Variants in ADCY2 observed in about 807,000 individuals in gnomAD.
The protein encoded by ADCY2 is adenylate cyclase 2, also known as adenylate cyclase type 2.
A neutral mutation model predicts 125.2 loss-of-function variants in ADCY2; 31 were observed. The observed-to-expected ratio is 0.25, with a 90% confidence interval of 0.19 to 0.33. The LOEUF is 0.33. Ranked by LOEUF, ADCY2 falls within the 10% of genes least tolerant of loss-of-function variation. The probability of loss-of-function intolerance (pLI) is 1.00; values close to 1 mark genes in which losing one functional copy is unlikely to be tolerated. For synonymous variants in ADCY2, 512 were observed against 548.4 expected, an observed-to-expected ratio of 0.93 and a Z score of 0.93; for missense variants, 904 against 1,418.2, an observed-to-expected ratio of 0.64 and a Z score of 5.82.
intron 3 of ADCY2, among the ~76,000 whole-genome samples, chr5:7,622,063 A>C (rs1334294047): frequency 6.6e-6 from 1 of 152,248 alleles, no homozygotes; most frequent in Non-Finnish European, 1.5e-5. Flanking sequence ...TAAATGAAGC[A>C]AGAAGATAAA....
At chr5:7,431,476 C>G (rs183148252) in intron 2 of ADCY2, among the ~76,000 whole-genome samples, 143 of 151,842 alleles carry the variant, frequency 9.4e-4, no homozygotes, top group African/African-American at 3.1e-3. Context: ...TGTTAGTACC[C>G]TTGTGTTAGA....
chr5:7,421,699 TGC>T (rs1740211393), intron 2 of ADCY2, among the ~76,000 whole-genome samples: 3 of 152,118 alleles, frequency 2.0e-5, no homozygotes, highest in Non-Finnish European at 2.9e-5. Context: ...TCTTGTGGAG[TGC>T]TGCTCTGAGG....
chr5:7,818,659 A>G (rs1163789643), intron 23 of ADCY2, among the ~76,000 whole-genome samples: 2 of 152,060 alleles, frequency 1.3e-5, no homozygotes, highest in African/African-American at 4.8e-5. Flanking sequence ...AGTCTCCCAA[A>G]ATGCCATATT....
chr5:7,546,300 A>G (rs888851761), intron 3 of ADCY2, among the ~76,000 whole-genome samples: 1 of 152,190 alleles, frequency 6.6e-6, no homozygotes, highest in African/African-American at 2.4e-5. Flanking sequence ...AAATACATCG[A>G]TGATAATAGA....
In ADCY2 at chr5:7,626,152, T is replaced by A. The variant is rs777989203; in HGVS notation, c.571-15T>A. 6.2e-6 allele frequency: 10 copies of A among 1,608,040 alleles called. No homozygotes were observed. The Admixed American group carries it at 1.7e-4, about 28-fold the overall frequency. On this transcript the variant is annotated splice_polypyrimidine_tract_variant and intron_variant, in intron 3 of 24. Coordinates refer to ENST00000338316, the MANE Select transcript of ADCY2 (RefSeq NM_020546.3). ...AAACAGTTACCCTATTGAGCAGCTCTTTCTGTCTCTTTAGATCCTGGCCAA... is the reference window on the plus strand; with the variant it reads ...AAACAGTTACCCTATTGAGCAGCTCATTCTGTCTCTTTAGATCCTGGCCAA...
chr5:7,765,163 G>T (rs1743340585), intron 16 of ADCY2, among the ~76,000 whole-genome samples: 1 of 151,942 alleles, frequency 6.6e-6, no homozygotes, highest in Non-Finnish European at 1.5e-5. Context: ...CTAGTTTTTT[G>T]CCTATAGGTG....
chr5:7,651,094 G>T (rs563097105), intron 4 of ADCY2, among the ~76,000 whole-genome samples: 2 of 152,240 alleles, frequency 1.3e-5, no homozygotes, highest in Admixed American at 6.5e-5. Context: ...CAACCCAGGG[G>T]TCCTAATTTG....
intron 2 of ADCY2, among the ~76,000 whole-genome samples, chr5:7,480,429 G>T (rs552804769): frequency 1.6e-4 from 25 of 152,252 alleles, no homozygotes; most frequent in Admixed American, 1.5e-3. Flanking sequence ...CAATAAAAAA[G>T]AATGAGATCA....
Position 7,768,449 on chromosome 5 carries a change from CACCG to C in ADCY2, c.2214+1647_2214+1650del, listed in dbSNP as rs1743460470. ...TAGGCTGGTTGCTGGGAAGAGAGTG[CACCG>C]ACCAAACAGTCCCCCTTTCGCATTC... On this transcript the variant is annotated intron_variant, in intron 17 of 24. Transcript: ENST00000338316. 8.5e-5 allele frequency among the ~76,000 whole-genome samples: 13 copies of C among 152,240 alleles called. No homozygotes were observed. In the South Asian group the frequency reaches 2.7e-3, roughly 32 times the overall value.
At chr5:7,581,843 A>AAAAAG (rs1235415393) in intron 3 of ADCY2, among the ~76,000 whole-genome samples, 6 of 151,820 alleles carry the variant, frequency 4.0e-5, no homozygotes, top group Admixed American at 3.9e-4. Context: ...AAAGAAAAAG[A>AAAAAG]AAAAGAAAAG....
At chr5:7,497,409 G>A (rs1296662894) in intron 2 of ADCY2, among the ~76,000 whole-genome samples, 1 of 152,064 alleles carries the variant, frequency 6.6e-6, no homozygotes, top group Non-Finnish European at 1.5e-5. Flanking sequence ...AAATTAATTT[G>A]AGCCTTCAAA....
chr5:7,516,846 C>T (rs1361584531), intron 2 of ADCY2, among the ~76,000 whole-genome samples: 1 of 151,988 alleles, frequency 6.6e-6, no homozygotes, highest in African/African-American at 2.4e-5. Flanking sequence ...CAGTAACCAG[C>T]TCAGTGAGGT....
rs1245781600 is a variant in ADCY2, at chr5:7,698,063, C to T, written c.982-184C>T. ...TCTTTCTTTATTCCTCTTTGGAAAT[C>T]GGCATGTAGGGGAGGGCAGCTCATT... On this transcript the variant is annotated intron_variant, in intron 6 of 24. Coordinates refer to ENST00000338316, the MANE Select transcript of ADCY2 (RefSeq NM_020546.3). Among the ~76,000 whole-genome samples, 19 of 152,164 alleles carry T rather than the reference C, an allele frequency of 1.2e-4. 2 individuals carry two copies. Among genetic ancestry groups the T allele is most frequent in the Admixed American group, 8.5e-4 (13 of 15,290 alleles).
chr5:7,582,626 A>G (rs1362227662), intron 3 of ADCY2, among the ~76,000 whole-genome samples: 1 of 152,166 alleles, frequency 6.6e-6, no homozygotes, highest in East Asian at 1.9e-4. Flanking sequence ...AACAAAGGAG[A>G]AACTCTATGT....
At position 7,574,987 on chromosome 5, in the gene ADCY2, C is replaced by T. The variant is rs547383775; in HGVS notation, c.571-51180C>T. 8.1e-4 allele frequency among the ~76,000 whole-genome samples: 123 copies of T among 152,060 alleles called. 1 individual carries two copies. Among genetic ancestry groups the T allele is most frequent in the African/African-American group, 2.8e-3 (118 of 41,492 alleles). On this transcript the variant is annotated intron_variant, in intron 3 of 24. Transcript: ENST00000338316. ...TTCTTATAGTATTGTATGAAGAAAA[C>T]AGGTTTTAAAATGATAGCAGTAGTA...
chr5:7,699,112 T>TTTTG (rs1356640464), intron 7 of ADCY2, among the ~76,000 whole-genome samples: 1 of 128,226 alleles, frequency 7.8e-6, no homozygotes, highest in Non-Finnish European at 1.6e-5. Flanking sequence ...TTTTTTTTTT[T>TTTTG]TTTGAGACGG....
chr5:7,712,978 T>G, intron 11 of ADCY2, 79 bp downstream of exon 11: 1 of 1,112,782 alleles, frequency 9.0e-7, no homozygotes. Flanking sequence ...TCAATTATGG[T>G]AATTTCAAGG....
intron 2 of ADCY2, among the ~76,000 whole-genome samples, chr5:7,480,037 G>A (rs966828111): frequency 6.6e-6 from 1 of 152,130 alleles, no homozygotes; most frequent in East Asian, 1.9e-4. Flanking sequence ...GATCATTAGA[G>A]AAATACAAAT....
At chr5:7,787,757 C>G (rs1744125837) in intron 19 of ADCY2, among the ~76,000 whole-genome samples, 2 of 152,160 alleles carry the variant, frequency 1.3e-5, no homozygotes, top group African/African-American at 4.8e-5. Flanking sequence ...CCGAAATACT[C>G]TGAGTATTCC....
Sources: gnomAD v4.1 joint callset for allele counts (sites outside exome capture counted in the v4.1 genomes callset) on GRCh38, gnomAD v4.1.1 for gene constraint, MANE v1.5 for transcripts, NCBI Gene and HGNC (gene_info 2026-07-23, HGNC 2026-07-21) for gene names.